The following C16orf96 variants were observed in gnomAD, a reference collection of about 807,000 sequenced individuals.
C16orf96 encodes the protein uncharacterized protein C16orf96.
In C16orf96, 108 loss-of-function variants were observed where a neutral mutation model predicts 103.6. The observed-to-expected ratio is 1.04, with a 90% CI of 0.89 to 1.22. The LOEUF (loss-of-function observed/expected upper bound fraction) is 1.22, where lower values mean the gene tolerates loss of function less well. Ranked by LOEUF, C16orf96 falls within the 50% of genes most tolerant of loss-of-function variation. The pLI is 0.00. For missense variants in C16orf96, 1,586 were observed against 1,464.2 expected, an observed-to-expected ratio of 1.08 and a Z score of -1.36; for synonymous variants, 566 against 593.5, an observed-to-expected ratio of 0.95 and a Z score of 0.67.
intron 8 of C16orf96, 92 bp downstream of exon 8, chr16:4,587,205 T>A: frequency 8.3e-7 from 1 of 1,211,806 alleles, no homozygotes; most frequent in Admixed American, 2.0e-5. Context: ...TCTTCCAGAA[T>A]TTCCCTCCCC....
chr16:4,578,498 G>A lies in C16orf96; in HGVS notation c.2156-442G>A, dbSNP rs556064333. The stretch of plus-strand genomic sequence containing the variant: ...TAATAGGCCGGGTGCGGTAGCTCAT[G>A]CCTGTACTCCCAGCACTTTGGGAGG... On this transcript the variant is annotated intron_variant, in intron 5 of 15. Transcript: ENST00000444310. Among the ~76,000 whole-genome samples the A allele has an allele frequency of 2.1e-3, 323 of 152,180 alleles. 2 individuals are homozygous for A. The highest frequency in any genetic ancestry group is 7.4e-3 in the African/African-American group (306 of 41,550).
At chr16:4,598,461 G>A (rs577315453) in intron 14 of C16orf96, among the ~76,000 whole-genome samples, 7 of 152,312 alleles carry the variant, frequency 4.6e-5, no homozygotes, top group African/African-American at 1.7e-4. Context: ...GAAAGGGAGA[G>A]TGACTGCTTA....
At position 4,576,423 on chromosome 16, in the gene C16orf96, T is replaced by C. The variant is rs1375574523; in HGVS notation, c.1943T>C (p.Leu648Pro). The change falls in exon 5 of 16, where the codon CTC becomes CCC. Residue 648 changes from leucine (L) to proline (P), a missense_variant. Physicochemically the swap from Leu to Pro is moderately conservative, Grantham distance 98. Coordinates refer to ENST00000444310, the MANE Select transcript of C16orf96 (RefSeq NM_001145011.2). ...GATGATTCCGAAATCTACGAAATCC[T>C]CTCTCCCTCCTACTCTGCTGCCAGC... ...LGDDSEIYEILSPSYSAASIG... is the reference protein window; with the variant it reads ...LGDDSEIYEIPSPSYSAASIG... 4.5e-6 allele frequency: 7 copies of C among 1,551,174 alleles called. No homozygotes were observed. The Admixed American group carries it at 7.8e-5, about 17-fold the overall frequency.
At position 4,591,681 on chromosome 16, in the gene C16orf96, C is replaced by G. The variant is rs895007871; in HGVS notation, c.2608C>G (p.Leu870Val). 6.4e-7 allele frequency: 1 copy of G among 1,551,460 alleles called. No individual in the cohort carries two copies. Among genetic ancestry groups the G allele is most frequent in the Non-Finnish European group, 8.7e-7 (1 of 1,146,900 alleles). The change falls in exon 10 of 16, where the codon CTG becomes GTG. Residue 870 changes from leucine to valine, a missense_variant. Physicochemically the swap from Leu to Val is conservative, Grantham distance 32. Coordinates refer to ENST00000444310, the MANE Select transcript of C16orf96 (RefSeq NM_001145011.2). ...CTGTTGGCAGTTAGTCCACAGTGAT[C>G]TGGATCCCTTGAAGAAAGAAATGGA... Reference protein sequence around the residue: ...DVNTKLVHSDLDPLKKEMEEV... With the variant: ...DVNTKLVHSDVDPLKKEMEEV...
At chr16:4,592,225 TG>T in intron 10 of C16orf96, 79 bp from the exon 11 acceptor site, 1 of 1,517,132 alleles carries the variant, frequency 6.6e-7, no homozygotes. Flanking sequence ...GATGCAGCCC[TG>T]GGGCTCTGGC....
chr16:4,590,080 A>T (rs1567455429), intron 9 of C16orf96, among the ~76,000 whole-genome samples: 1 of 151,146 alleles, frequency 6.6e-6, no homozygotes, highest in South Asian at 2.1e-4. Flanking sequence ...AAGCCGAGAT[A>T]GCGCCACTGC....
intron 1 of C16orf96, among the ~76,000 whole-genome samples, chr16:4,566,808 A>G (rs1276305271): frequency 7.9e-5 from 12 of 152,126 alleles, no homozygotes. Context: ...GCAATTATTC[A>G]TAGTATTTCT....
chr16:4,580,715 G>A (rs757760163), intron 7 of C16orf96, among the ~76,000 whole-genome samples: 6 of 152,018 alleles, frequency 3.9e-5, no homozygotes, highest in East Asian at 3.9e-4. Flanking sequence ...GACTGGGCGC[G>A]GTGGTTCACG....
chr16:4,544,628 T>A, the C16orf96 span, among the ~76,000 whole-genome samples: 5 of 152,024 alleles, frequency 3.3e-5, no homozygotes, highest in Non-Finnish European at 5.9e-5. Context: ...TATATTTAAT[T>A]TTTCTGACTA....
chr16:4,578,293 C>T (rs1006698758), intron 5 of C16orf96, among the ~76,000 whole-genome samples: 9 of 151,990 alleles, frequency 5.9e-5, no homozygotes, highest in Non-Finnish European at 1.3e-4. Flanking sequence ...GAGGCATGTG[C>T]CACCAAGCCT....
chr16:4,539,106 C>G, the C16orf96 span, among the ~76,000 whole-genome samples: 2 of 152,176 alleles, frequency 1.3e-5, no homozygotes, highest in Admixed American at 6.5e-5. Context: ...AAACCTTGAA[C>G]CACACGGTCA....
intron 1 of C16orf96, 130 bp downstream of exon 1, chr16:4,557,039 G>T: frequency 9.4e-7 from 1 of 1,059,194 alleles, no homozygotes; most frequent in Non-Finnish European, 1.3e-6. Context: ...GTGTGATCTT[G>T]GCTCACTGCA....
intron 1 of C16orf96, among the ~76,000 whole-genome samples, chr16:4,559,308 C>T (rs7188479): frequency 1.8e-4 from 28 of 151,790 alleles, no homozygotes; most frequent in African/African-American, 6.3e-4. Context: ...TTTGGGAGGC[C>T]GAGGCAGGTG....
At chr16:4,580,159 G>A in intron 7 of C16orf96, 34 bp downstream of exon 7, 1 of 1,438,924 alleles carries the variant, frequency 6.9e-7, no homozygotes, top group African/African-American at 1.5e-5. Context: ...AGAAGGGCTG[G>A]CAAAGGGAGA....
upstream of C16orf96, among the ~76,000 whole-genome samples, chr16:4,552,727 G>T (rs1453641983): frequency 6.6e-6 from 1 of 152,090 alleles, no homozygotes; most frequent in Admixed American, 6.6e-5. Flanking sequence ...CAATTTTTCA[G>T]CATTGCAGAC....
At chr16:4,545,494 G>A in the C16orf96 span, among the ~76,000 whole-genome samples, 1 of 152,128 alleles carries the variant, frequency 6.6e-6, no homozygotes, top group Admixed American at 6.5e-5. Context: ...ACCTAGCCAA[G>A]CCGGGTTTCA....
chr16:4,543,156 A>C, the C16orf96 span, among the ~76,000 whole-genome samples: 2,204 of 152,306 alleles, frequency 0.014, 61 homozygotes, highest in African/African-American at 0.05. Context: ...CGAACAAGGA[A>C]GGCTTCAGAG....
At chr16:4,543,783 A>G in the C16orf96 span, among the ~76,000 whole-genome samples, 2 of 152,084 alleles carry the variant, frequency 1.3e-5, no homozygotes, top group African/African-American at 4.8e-5. Context: ...CTGGAATTAC[A>G]GGCACATACC....
Position 4,574,804 on chromosome 16 carries a change from C to T in C16orf96, c.606+15C>T. On this transcript the variant is annotated intron_variant, in intron 3 of 15. Transcript: ENST00000444310. ...AGCGGGAAGTGGTGAGGGCCACCAT[C>T]CCTGTCTTCCCCCACTCCCCCTGGG... 1 of 1,550,634 alleles carries T rather than the reference C, an allele frequency of 6.4e-7. No individual in the cohort carries two copies. The highest frequency in any genetic ancestry group is 8.7e-7 in the Non-Finnish European group (1 of 1,146,476).
Sources: gnomAD v4.1 joint callset for allele counts (sites outside exome capture counted in the v4.1 genomes callset) on GRCh38, gnomAD v4.1.1 for gene constraint, MANE v1.5 for transcripts, NCBI Gene and HGNC (gene_info 2026-07-23, HGNC 2026-07-21) for gene names.